RARB: variants seen among roughly 807,000 people sequenced by gnomAD.
The protein encoded by RARB is HBV-activated protein.
A neutral mutation model predicts 51.9 loss-of-function variants in RARB; 17 were observed. The ratio of observed to expected loss-of-function variants is 0.33; its 90% CI spans 0.22 to 0.49. RARB has a LOEUF of 0.49. Ranked by LOEUF, RARB falls within the 20% of genes least tolerant of loss-of-function variation. The pLI is 0.99. For missense variants in RARB, 369 were observed against 550.8 expected (o/e 0.67, Z 3.30); for synonymous variants, 215 against 195.4 (o/e 1.10, Z -0.84).
chr3:25,191,568 G>A (rs1175288957), intron 5 of RARB, among the ~76,000 whole-genome samples: 1 of 152,092 alleles, frequency 6.6e-6, no homozygotes, highest in Non-Finnish European at 1.5e-5. Context: ...AGCACATGGG[G>A]AAATAAGTGA....
At chr3:25,100,740 T>C (rs1168290463) in intron 3 of RARB, among the ~76,000 whole-genome samples, 1 of 152,164 alleles carries the variant, frequency 6.6e-6, no homozygotes, top group African/African-American at 2.4e-5. Context: ...CCGTTCCATT[T>C]ATACTAGGAG....
chr3:25,229,849 G>C (rs542238321), intron 5 of RARB, among the ~76,000 whole-genome samples: 1 of 152,236 alleles, frequency 6.6e-6, no homozygotes, highest in South Asian at 2.1e-4. Flanking sequence ...GTTGTGACAA[G>C]AGAGGTAATG....
At chr3:24,991,372 G>A (rs979131810) in intron 2 of RARB, among the ~76,000 whole-genome samples, 28 of 151,956 alleles carry the variant, frequency 1.8e-4, no homozygotes, top group African/African-American at 5.8e-4. Context: ...GAACCTGGGA[G>A]GTAGAGGTTG....
At chr3:25,138,914 T>C (rs1700071033) in intron 4 of RARB, among the ~76,000 whole-genome samples, 1 of 152,182 alleles carries the variant, frequency 6.6e-6, no homozygotes, top group South Asian at 2.1e-4. Flanking sequence ...CAGCAGAATG[T>C]GCTCACTTCC....
intron 2 of RARB, among the ~76,000 whole-genome samples, chr3:24,858,912 C>T (rs1469760508): frequency 2.0e-5 from 3 of 151,780 alleles, no homozygotes; most frequent in South Asian, 2.1e-4. Flanking sequence ...TGGCACTTGC[C>T]TGTAGTCCCA....
intron 3 of RARB, among the ~76,000 whole-genome samples, chr3:25,551,729 G>T (rs1699858370): frequency 6.6e-6 from 1 of 152,126 alleles, no homozygotes. Context: ...AGAATAAGAA[G>T]AGGGCTAGGG....
At chr3:25,185,149 TA>T (rs2125359853) in intron 5 of RARB, among the ~76,000 whole-genome samples, 1 of 152,298 alleles carries the variant, frequency 6.6e-6, no homozygotes, top group African/African-American at 2.4e-5. Context: ...TGCCAAGATA[TA>T]TTTTTTTTTA....
At chr3:25,364,001 G>A (rs1033282913) in intron 5 of RARB, among the ~76,000 whole-genome samples, 15 of 152,028 alleles carry the variant, frequency 9.9e-5, no homozygotes, top group African/African-American at 2.9e-4. Context: ...TTCTTAGTAG[G>A]TTCTATCCTG....
At chr3:24,930,860 A>C (rs1159184777) in intron 2 of RARB, among the ~76,000 whole-genome samples, 3 of 151,970 alleles carry the variant, frequency 2.0e-5, no homozygotes, top group African/African-American at 2.4e-5. Flanking sequence ...TTTTCTTTTA[A>C]AAAATAGCCA....
intron 2 of RARB, among the ~76,000 whole-genome samples, chr3:24,946,263 C>CA (rs201010416): frequency 0.14 from 16,837 of 116,200 alleles, 2,063 homozygotes; most frequent in African/African-American, 0.33. Context: ...GACTCCATCT[C>CA]AAAAAAAAAA....
intron 1 of RARB, among the ~76,000 whole-genome samples, chr3:24,844,103 A>T (rs1702455566): frequency 6.6e-6 from 1 of 152,174 alleles, no homozygotes; most frequent in Non-Finnish European, 1.5e-5. Context: ...TGTTCTGCAG[A>T]TGCACGGCAG....
At chr3:24,852,961 T>A (rs913683812) in intron 1 of RARB, among the ~76,000 whole-genome samples, 15 of 152,168 alleles carry the variant, frequency 9.9e-5, no homozygotes, top group African/African-American at 3.6e-4. Context: ...CTTTGAACTG[T>A]ACATTTTATG....
Position 25,063,353 on chromosome 3 carries a change from T to A in RARB, c.-328+3177T>A, listed in dbSNP as rs374484843. ...TGTATCTCTTTGTAACTGAGAGATATCAGATTTGAGACTCAGAGCTTTCCT... is the reference window on the plus strand; with the variant it reads ...TGTATCTCTTTGTAACTGAGAGATAACAGATTTGAGACTCAGAGCTTTCCT... On this transcript the variant is annotated intron_variant, in intron 3 of 11. Coordinates refer to the RARB transcript ENST00000383772. Among the ~76,000 whole-genome samples the A allele has an allele frequency of 6.7e-4, 102 of 152,154 alleles. 3 individuals carry two copies. The highest frequency in any genetic ancestry group is 3.9e-3 in the East Asian group (20 of 5,182).
intron 5 of RARB, among the ~76,000 whole-genome samples, chr3:25,410,680 TGTTTAA>T (rs1450672662): frequency 1.6e-4 from 24 of 152,240 alleles, no homozygotes; most frequent in African/African-American, 5.8e-4. Context: ...TCCTCTCACC[TGTTTAA>T]GTTTATAAGA....
intron 5 of RARB, among the ~76,000 whole-genome samples, chr3:25,204,540 C>T (rs1357282364): frequency 1.3e-5 from 2 of 152,058 alleles, no homozygotes; most frequent in Admixed American, 1.3e-4. Flanking sequence ...TCTGTTTTTT[C>T]CCCATCTGTG....
intron 2 of RARB, among the ~76,000 whole-genome samples, chr3:24,911,375 C>T (rs1575067525): frequency 6.6e-6 from 1 of 152,030 alleles, no homozygotes; most frequent in East Asian, 1.9e-4. Flanking sequence ...ATGAATGGTA[C>T]AAACTTTTAA....
At chr3:25,568,120 C>T (rs747628281) in intron 3 of RARB, among the ~76,000 whole-genome samples, 4 of 152,196 alleles carry the variant, frequency 2.6e-5, no homozygotes, top group Non-Finnish European at 5.9e-5. Context: ...CTGCACTTCC[C>T]ACTCATTTCA....
intron 5 of RARB, among the ~76,000 whole-genome samples, chr3:25,318,770 C>T (rs1382775890): frequency 6.6e-6 from 1 of 152,188 alleles, no homozygotes; most frequent in Admixed American, 6.5e-5. Context: ...GTGGCCTCCA[C>T]ATTTAAAAAT....
intron 5 of RARB, among the ~76,000 whole-genome samples, chr3:25,395,137 C>T (rs1707081005): frequency 1.3e-5 from 2 of 152,104 alleles, no homozygotes; most frequent in Admixed American, 6.6e-5. Context: ...TTGAAAACAA[C>T]TTTGTCTTTC....
Sources: gnomAD v4.1 joint callset for allele counts (sites outside exome capture counted in the v4.1 genomes callset) on GRCh38, gnomAD v4.1.1 for gene constraint, MANE v1.5 for transcripts, NCBI Gene and HGNC (gene_info 2026-07-23, HGNC 2026-07-21) for gene names.